The following SNX19 variants were observed in gnomAD, a reference collection of about 807,000 sequenced individuals.
The protein encoded by SNX19 is sorting nexin 19.
SNX19 carries 60 observed loss-of-function variants against 85.2 expected under a neutral mutation model. That is an observed-to-expected ratio of 0.70 (90% CI 0.57 to 0.87). The LOEUF (loss-of-function observed/expected upper bound fraction) is 0.87, where lower values mean the gene tolerates loss of function less well. SNX19 is among the 40% of genes least tolerant of loss of function. SNX19 has a pLI of 0.00. For missense variants in SNX19, 1,201 were observed against 1,217.8 expected (o/e 0.99, Z 0.21); for synonymous variants, 520 against 470.0 (o/e 1.11, Z -1.38).
rs1051123112 is a variant in SNX19 at position 130,867,527 on chromosome 11, T to A, written c.*10895A>T. ...TTACTCAACTTGATTTTGGCAGGTT[T>A]AAAGAGGAAAAATGAAGGATAGGAA... On this transcript the variant is annotated 3_prime_UTR_variant, in exon 11 of 11. Transcript: ENST00000265909. 3.3e-5 allele frequency: 5 copies of A among 152,166 alleles called. No individual in the cohort carries two copies. Among genetic ancestry groups the A allele is most frequent in the African/African-American group, 1.2e-4 (5 of 41,442 alleles). 9.4% of individuals were successfully genotyped at this position (152,166 alleles called of 1,614,324 possible). A position where few individuals can be genotyped will look rare whatever the true frequency, so the allele number is the denominator to read the frequency against.
rs967365389 is a variant in SNX19, at chr11:130,870,834, G to GT, written c.*7587_*7588insA. On this transcript the variant is annotated 3_prime_UTR_variant, in exon 11 of 11. Transcript: ENST00000265909. ...GGTATATACATATAGTTGGGGGGGG[G>GT]GCATAAGGACATAATAGGACTAAAA... is the stretch of plus-strand genomic sequence containing the variant. Among the ~76,000 whole-genome samples, 8 of 150,742 alleles carry GT rather than the reference G, an allele frequency of 5.3e-5. No homozygotes were observed. Among genetic ancestry groups the GT allele is most frequent in the African/African-American group, 2.0e-4 (8 of 40,844 alleles).
At chr11:130,890,890 CTTTTT>C (rs10678203) in intron 8 of SNX19, among the ~76,000 whole-genome samples, 1 of 143,036 alleles carries the variant, frequency 7.0e-6, no homozygotes, top group African/African-American at 2.6e-5. Context: ...GGATTTGGGT[CTTTTT>C]TTTTTTTTTG....
Position 130,915,095 on chromosome 11 carries a change from G to C in SNX19, c.845C>G (p.Pro282Arg), listed in dbSNP as rs1349649616. Reference sequence around the variant, plus strand: ...AGATGTCGGCACTGAGGGCTGTTCGGGGGCACTGGCTGGGCAGGGTGCTGG... The same window carrying C: ...AGATGTCGGCACTGAGGGCTGTTCGCGGGCACTGGCTGGGCAGGGTGCTGG... Reference protein sequence around the residue: ...RDPAPCPASAPEQPSVPTSLP... With the variant: ...RDPAPCPASAREQPSVPTSLP... The change falls in exon 1 of 11, where the codon CCC becomes CGC. Residue 282 changes from proline to arginine, a missense_variant. Physicochemically the swap from Pro to Arg is moderately radical, Grantham distance 103. Transcript: ENST00000265909. 3.7e-6 allele frequency: 6 copies of C among 1,613,720 alleles called. No individual in the cohort carries two copies. Among genetic ancestry groups the C allele is most frequent in the African/African-American group, 1.3e-5 (1 of 74,896 alleles).
At chr11:130,910,723 C>T (rs891102926) in intron 2 of SNX19, among the ~76,000 whole-genome samples, 2 of 152,118 alleles carry the variant, frequency 1.3e-5, no homozygotes, top group African/African-American at 2.4e-5. Flanking sequence ...AGAGCTAATA[C>T]GTGTAAAGTG....
rs566791045 is a variant in SNX19, at chr11:130,874,507, G to A, written c.*3915C>T. ...AATTAGAATGGCAAGGAAGAAAGAT[G>A]GAAAGAATTCAGGCCCCTTAAGAGG... On this transcript the variant is annotated 3_prime_UTR_variant, in exon 11 of 11. Coordinates refer to ENST00000265909, the MANE Select transcript of SNX19 (RefSeq NM_014758.3). Among the ~76,000 whole-genome samples, 2 of 152,282 alleles carry A rather than the reference G, an allele frequency of 1.3e-5. No homozygotes were observed. Among genetic ancestry groups the A allele is most frequent in the East Asian group, 3.9e-4 (2 of 5,188 alleles).
chr11:130,882,272 G>A (rs561455889), intron 8 of SNX19, among the ~76,000 whole-genome samples: 2 of 152,196 alleles, frequency 1.3e-5, no homozygotes, highest in Non-Finnish European at 2.9e-5. Flanking sequence ...TTCTATTCAT[G>A]CACGGAAGAC....
chr11:130,867,121 C>T lies in SNX19; in HGVS notation c.*11301G>A, dbSNP rs973584663. 2.0e-5 allele frequency: 3 copies of T among 152,204 alleles called. No individual in the cohort carries two copies. Among genetic ancestry groups the T allele is most frequent in the Non-Finnish European group, 4.4e-5 (3 of 68,060 alleles). The allele number at this position is 152,204 out of a possible 1,614,324, so 9.4% of individuals were successfully genotyped here. ...TCTTAATCCCCGTGCTGCTGCCTCC[C>T]AATAAACTGGGTGAGTGATCCTGGG... On this transcript the variant is annotated 3_prime_UTR_variant, in exon 11 of 11. Transcript: ENST00000265909.
chr11:130,886,922 G>A (rs1457525655), intron 8 of SNX19, among the ~76,000 whole-genome samples: 1 of 152,090 alleles, frequency 6.6e-6, no homozygotes, highest in East Asian at 1.9e-4. Context: ...TGTGTATCTA[G>A]GTCACCATCC....
chr11:130,890,319 A>C (rs1187692194), intron 8 of SNX19, among the ~76,000 whole-genome samples: 2 of 152,130 alleles, frequency 1.3e-5, no homozygotes, highest in African/African-American at 4.8e-5. Flanking sequence ...TGAATGCCTC[A>C]TCACCTTTTC....
chr11:130,898,013 G>C (rs1944998914), intron 8 of SNX19, among the ~76,000 whole-genome samples: 1 of 152,054 alleles, frequency 6.6e-6, no homozygotes, highest in Non-Finnish European at 1.5e-5. Flanking sequence ...TGCCTTTTTT[G>C]GGCATCTAAC....
rs775875059 is a variant in SNX19 at position 130,914,583 on chromosome 11, C to G, written c.1357G>C (p.Asp453His). 16 of 1,614,000 alleles carry G rather than the reference C, an allele frequency of 9.9e-6. No homozygotes were observed. Among genetic ancestry groups the G allele is most frequent in the Non-Finnish European group, 1.3e-5 (15 of 1,179,876 alleles). Residue 453 changes from aspartate to histidine, a missense_variant, in exon 1 of 11, where the codon GAC becomes CAC. Around this residue, in one of 3 missense-constraint regions of SNX19, gnomAD observed 791 missense variants for 750.9 expected, o/e 1.05. Transcript: ENST00000265909. ...ACATCTCCTTGTTCTATCTCCTTGT[C>G]TGCTGTGTCAATATGGATCTCTGGG... ...SCPEIHIDTADKEIEQGDVTA... is the reference protein window; with the variant it reads ...SCPEIHIDTAHKEIEQGDVTA...
rs1943324690 is a variant in SNX19, at chr11:130,877,430, T to C, written c.*992A>G. On this transcript the variant is annotated 3_prime_UTR_variant, in exon 11 of 11. Transcript: ENST00000265909. ...ATTCCTTGTAAGTTTGCTAATCTTA[T>C]CTGTTCAGAATAATAAAAGTTCTCT... 6.6e-6 allele frequency: 1 copy of C among 152,236 alleles called. No individual in the cohort carries two copies. The highest frequency in any genetic ancestry group is 1.5e-5 in the Non-Finnish European group (1 of 68,048). The allele number at this position is 152,236 out of a possible 1,614,324, so 9.4% of individuals were successfully genotyped here.
In SNX19 at chr11:130,879,796, GT is replaced by G. The variant is rs1158265113; in HGVS notation, c.2759-86del. The G allele has an allele frequency of 4.0e-6, 5 of 1,250,782 alleles. No individual in the cohort carries two copies. In the African/African-American group the frequency reaches 4.4e-5, roughly 11 times the overall value. 77.5% of individuals were successfully genotyped at this position (1,250,782 alleles called of 1,614,324 possible). ...ACAGTCTCTCCCCAGGATCTCTGCCGTTTTTACATAGGTTAGGTATTTCAGG... is the reference window on the plus strand; with the variant it reads ...ACAGTCTCTCCCCAGGATCTCTGCCGTTTTACATAGGTTAGGTATTTCAGG... On this transcript the variant is annotated intron_variant, in intron 9 of 10. Coordinates refer to ENST00000265909, the MANE Select transcript of SNX19 (RefSeq NM_014758.3).
intron 8 of SNX19, among the ~76,000 whole-genome samples, chr11:130,897,956 A>G (rs1944992528): frequency 6.6e-6 from 1 of 152,166 alleles, no homozygotes; most frequent in South Asian, 2.1e-4. Context: ...AAGCTGACAC[A>G]TGAGGTTAGG....
At chr11:130,881,041 A>T (rs1187776339) in intron 8 of SNX19, 1 of 347,970 alleles carries the variant, frequency 2.9e-6, no homozygotes, top group Non-Finnish European at 5.2e-6. Flanking sequence ...ATATGAGGAC[A>T]CAGGGAGAAG....
At chr11:130,886,646 G>A (rs1944098536) in intron 8 of SNX19, among the ~76,000 whole-genome samples, 1 of 152,214 alleles carries the variant, frequency 6.6e-6, no homozygotes, top group Non-Finnish European at 1.5e-5. Flanking sequence ...TAGGGTGGGA[G>A]AGAAAGGAGG....
At position 130,877,426 on chromosome 11, in the gene SNX19, C is replaced by A. The variant is rs2135265804; in HGVS notation, c.*996G>T. 6.6e-6 allele frequency: 1 copy of A among 152,288 alleles called. No homozygotes were observed. 9.4% of individuals were successfully genotyped at this position (152,288 alleles called of 1,614,324 possible). ...AGCTATTCCTTGTAAGTTTGCTAAT[C>A]TTATCTGTTCAGAATAATAAAAGTT... is the stretch of plus-strand genomic sequence containing the variant. On this transcript the variant is annotated 3_prime_UTR_variant, in exon 11 of 11. Coordinates refer to ENST00000265909, the MANE Select transcript of SNX19 (RefSeq NM_014758.3).
At position 130,905,924 on chromosome 11, in the gene SNX19, T is replaced by G. The variant is rs865781836; in HGVS notation, c.2443+29A>C. ...AGTGGATGCCACCCTGGCTCCCTTC[T>G]CCATGGGAGCAGAGACCTCGCCACT... is the stretch of plus-strand genomic sequence containing the variant. On this transcript the variant is annotated intron_variant, in intron 7 of 10. Transcript: ENST00000265909. 2.5e-6 allele frequency: 4 copies of G among 1,614,098 alleles called. No individual in the cohort carries two copies. In the Middle Eastern group the frequency reaches 6.6e-4, roughly 266 times the overall value.
intron 8 of SNX19, chr11:130,893,694 A>C: frequency 1.5e-6 from 1 of 664,884 alleles, no homozygotes; most frequent in Non-Finnish European, 2.7e-6. Flanking sequence ...CAGAGGAGTA[A>C]TAAATAAAAC....
Sources: allele counts gnomAD v4.1 joint callset (sites outside exome capture counted in the v4.1 genomes callset), GRCh38; gene constraint gnomAD v4.1.1; regional missense constraint gnomAD v4.1.1; transcripts MANE v1.5; gene names NCBI Gene and HGNC (gene_info 2026-07-23, HGNC 2026-07-21).